The following WWOX variants were observed in gnomAD, a reference collection of about 807,000 sequenced individuals.
WWOX encodes WW domain containing oxidoreductase.
A neutral mutation model predicts 46.2 loss-of-function variants in WWOX; 69 were observed. That is an observed-to-expected ratio of 1.49 (90% CI 1.23 to 1.82). The LOEUF (loss-of-function observed/expected upper bound fraction) is 1.82. Ranked by LOEUF, WWOX falls within the 40% of genes most tolerant of loss-of-function variation. WWOX has a pLI of 0.00. For missense variants in WWOX, 919 were observed against 542.6 expected, an observed-to-expected ratio of 1.69 and a Z score of -6.89; for synonymous variants, 359 against 202.6, an observed-to-expected ratio of 1.77 and a Z score of -6.56.
At chr16:78,453,187 G>A (rs894192421) in intron 8 of WWOX, among the ~76,000 whole-genome samples, 9 of 152,092 alleles carry the variant, frequency 5.9e-5, no homozygotes, top group Non-Finnish European at 1.2e-4. Context: ...ACTTTGGGAG[G>A]CTGAGGTGGG....
At chr16:78,803,183 TAACAC>T (rs1288415644) in intron 8 of WWOX, among the ~76,000 whole-genome samples, 1 of 151,818 alleles carries the variant, frequency 6.6e-6, no homozygotes, top group Admixed American at 6.6e-5. Context: ...AGTCAGTTCT[TAACAC>T]AAACCACATA....
chr16:78,629,360 C>T (rs1378940698), intron 8 of WWOX, among the ~76,000 whole-genome samples: 1 of 151,972 alleles, frequency 6.6e-6, no homozygotes, highest in Non-Finnish European at 1.5e-5. Flanking sequence ...GAGTTAGTGC[C>T]GTATATAGCA....
chr16:78,798,711 G>C (rs1419955399), intron 8 of WWOX, among the ~76,000 whole-genome samples: 1 of 151,798 alleles, frequency 6.6e-6, no homozygotes, highest in Non-Finnish European at 1.5e-5. Context: ...ATAAGCTATG[G>C]GATGTACAGC....
intron 8 of WWOX, among the ~76,000 whole-genome samples, chr16:79,167,719 G>A (rs1216698934): frequency 5.3e-5 from 8 of 152,098 alleles, no homozygotes; most frequent in Non-Finnish European, 1.0e-4. Context: ...GTTTTGTTTC[G>A]TTTCCCTGCA....
intron 5 of WWOX, among the ~76,000 whole-genome samples, chr16:78,223,591 T>C (rs1479400667): frequency 1.3e-5 from 2 of 152,074 alleles, no homozygotes; most frequent in African/African-American, 4.8e-5. Flanking sequence ...GCAGGAAACA[T>C]GCAAAGTGCT....
chr16:78,780,113 G>C (rs1483021788), intron 8 of WWOX, among the ~76,000 whole-genome samples: 2 of 152,136 alleles, frequency 1.3e-5, no homozygotes, highest in Non-Finnish European at 2.9e-5. Context: ...AGGTCCCTGT[G>C]AGCCCCTGGG....
At chr16:78,352,916 A>G (rs2081213210) in intron 5 of WWOX, among the ~76,000 whole-genome samples, 2 of 152,224 alleles carry the variant, frequency 1.3e-5, no homozygotes. Flanking sequence ...AAGATCAATC[A>G]TAGCACTAGC....
At position 79,127,579 on chromosome 16, in the gene WWOX, C is replaced by T. The variant is rs184242023; in HGVS notation, c.1057-84029C>T. ...AATTGTGCCGCAACGTGTAACCTTGCACCGACATCGCTTCCCACGTGCATG... is the reference window on the plus strand; with the variant it reads ...AATTGTGCCGCAACGTGTAACCTTGTACCGACATCGCTTCCCACGTGCATG... On this transcript the variant is annotated intron_variant, in intron 8 of 8. Coordinates refer to ENST00000566780, the MANE Select transcript of WWOX (RefSeq NM_016373.4). Among the ~76,000 whole-genome samples the T allele has an allele frequency of 2.9e-4, 44 of 152,310 alleles. 1 individual carries two copies. The highest frequency in any genetic ancestry group is 5.9e-5 in the Non-Finnish European group (4 of 68,036).
chr16:78,355,417 A>G (rs984945148), intron 5 of WWOX: 2 of 282,264 alleles, frequency 7.1e-6, no homozygotes, highest in Middle Eastern at 1.4e-3. Flanking sequence ...CCTGGCTAAC[A>G]CGGTGAAACC....
chr16:78,608,218 C>T (rs567752365), intron 8 of WWOX, among the ~76,000 whole-genome samples: 12 of 152,196 alleles, frequency 7.9e-5, no homozygotes, highest in African/African-American at 2.9e-4. Flanking sequence ...TGAGACAGAA[C>T]AAAGAAAAGA....
At chr16:79,160,877 GTACATA>G (rs1200920810) in intron 8 of WWOX, among the ~76,000 whole-genome samples, 1 of 98,900 alleles carries the variant, frequency 1.0e-5, no homozygotes, top group Non-Finnish European at 1.9e-5. Context: ...CATAAATTGT[GTACATA>G]CACATATACA....
chr16:78,581,671 A>G (rs1459567665), intron 8 of WWOX, among the ~76,000 whole-genome samples: 1 of 152,162 alleles, frequency 6.6e-6, no homozygotes, highest in Non-Finnish European at 1.5e-5. Context: ...CTACCCATAG[A>G]TTGAAGTAGT....
chr16:78,648,109 C>T (rs1458998823), intron 8 of WWOX, among the ~76,000 whole-genome samples: 1 of 152,224 alleles, frequency 6.6e-6, no homozygotes, highest in African/African-American at 2.4e-5. Context: ...GAGAGAAAAT[C>T]AGTCAGACAG....
intron 8 of WWOX, among the ~76,000 whole-genome samples, chr16:78,849,609 A>G (rs1597718129): frequency 6.7e-6 from 1 of 149,188 alleles, no homozygotes; most frequent in South Asian, 2.1e-4. Flanking sequence ...AACTACAACC[A>G]CATTTTGAGA....
At chr16:78,944,757 T>A (rs1193369181) in intron 8 of WWOX, among the ~76,000 whole-genome samples, 1 of 152,182 alleles carries the variant, frequency 6.6e-6, no homozygotes, top group African/African-American at 2.4e-5. Flanking sequence ...CACTGATCCT[T>A]AGCCCATCTA....
chr16:78,766,567 G>A (rs536702952), intron 8 of WWOX, among the ~76,000 whole-genome samples: 11 of 152,316 alleles, frequency 7.2e-5, no homozygotes, highest in African/African-American at 1.2e-4. Flanking sequence ...CAGCCTGGGC[G>A]ACAGAGGGAG....
intron 8 of WWOX, among the ~76,000 whole-genome samples, chr16:79,210,143 GC>G (rs1454339170): frequency 2.0e-5 from 3 of 152,082 alleles, no homozygotes; most frequent in African/African-American, 7.2e-5. Context: ...TCCACACCCC[GC>G]CCAGAGTCGT....
At chr16:78,900,991 C>A (rs567264443) in intron 8 of WWOX, among the ~76,000 whole-genome samples, 1 of 152,252 alleles carries the variant, frequency 6.6e-6, no homozygotes, top group African/African-American at 2.4e-5. Flanking sequence ...CATGAGCGTT[C>A]ATATTTTGAA....
chr16:78,557,484 T>G (rs1359480557), intron 8 of WWOX, among the ~76,000 whole-genome samples: 1 of 152,086 alleles, frequency 6.6e-6, no homozygotes, highest in Non-Finnish European at 1.5e-5. Context: ...CCCCATTCTC[T>G]TCATTTCTGG....
Sources: gnomAD v4.1 joint callset for allele counts (sites outside exome capture counted in the v4.1 genomes callset) on GRCh38, gnomAD v4.1.1 for gene constraint, MANE v1.5 for transcripts, NCBI Gene and HGNC (gene_info 2026-07-23, HGNC 2026-07-21) for gene names.